PLCL1: variants seen among roughly 807,000 people sequenced by gnomAD.
PLCL1 encodes the protein phospholipase C like 1 (inactive).
A neutral mutation model predicts 84.4 loss-of-function variants in PLCL1; 41 were observed. The observed-to-expected ratio is 0.49, with a 90% confidence interval of 0.38 to 0.63. PLCL1 has a LOEUF of 0.63. PLCL1 is among the 30% of genes least tolerant of loss of function. The pLI is 0.00. For synonymous variants in PLCL1, 490 were observed against 488.3 expected (o/e 1.00, Z -0.05); for missense variants, 1,206 against 1,367.8 (o/e 0.88, Z 1.87).
rs1694580066 is a variant in PLCL1 at position 198,148,534 on chromosome 2, A to T, written c.*1572A>T. 6.6e-6 allele frequency: 1 copy of T among 152,348 alleles called. No homozygotes were observed. The highest frequency in any genetic ancestry group is 2.4e-5 in the African/African-American group (1 of 41,458). The allele number at this position is 152,348 out of a possible 1,614,324, so 9.4% of individuals were successfully genotyped here. A position where few individuals can be genotyped will look rare whatever the true frequency, so the allele number is the denominator to read the frequency against. ...ATGATGAAATTATTCCCTGGGTTTAAAACTGGGCACTCGAGGAGGAGGTAC... is the reference window on the plus strand; with the variant it reads ...ATGATGAAATTATTCCCTGGGTTTATAACTGGGCACTCGAGGAGGAGGTAC... On this transcript the variant is annotated 3_prime_UTR_variant, in exon 6 of 6. Coordinates refer to ENST00000428675, the MANE Select transcript of PLCL1 (RefSeq NM_006226.4).
At chr2:198,083,077 A>G (rs1013147256) in intron 1 of PLCL1, among the ~76,000 whole-genome samples, 1 of 152,210 alleles carries the variant, frequency 6.6e-6, no homozygotes, top group Non-Finnish European at 1.5e-5. Flanking sequence ...TAGTAGAGCC[A>G]TTCATATTTC....
intron 4 of PLCL1, 51 bp from the exon 5 acceptor site, chr2:198,103,776 C>G: frequency 5.0e-6 from 4 of 802,758 alleles, no homozygotes; most frequent in Non-Finnish European, 8.0e-6. Flanking sequence ...TATAAGATGC[C>G]CATTTTTCTG....
At chr2:197,833,769 C>T (rs1344125273) in intron 1 of PLCL1, among the ~76,000 whole-genome samples, 1 of 152,152 alleles carries the variant, frequency 6.6e-6, no homozygotes, top group African/African-American at 2.4e-5. Flanking sequence ...CAGTGCTATT[C>T]CTATCAAGTT....
intron 1 of PLCL1, among the ~76,000 whole-genome samples, chr2:197,903,468 ATTTTTTTTTT>A (rs3056105): frequency 2.7e-4 from 13 of 47,794 alleles, no homozygotes; most frequent in Middle Eastern, 0.028. Flanking sequence ...CTCCATTTAA[ATTTTTTTTTT>A]TTTTTTTTTT....
intron 1 of PLCL1, among the ~76,000 whole-genome samples, chr2:197,904,718 TA>T (rs534361630): frequency 1.1e-3 from 175 of 152,224 alleles, no homozygotes; most frequent in Non-Finnish European, 2.0e-3. Flanking sequence ...GATGGCAAGG[TA>T]TATTGGTCTG....
chr2:198,026,703 C>T (rs541177018), intron 1 of PLCL1, among the ~76,000 whole-genome samples: 1 of 152,188 alleles, frequency 6.6e-6, no homozygotes, highest in Admixed American at 6.5e-5. Flanking sequence ...CTGAATAGAC[C>T]TTTCTCAAAA....
chr2:198,005,207 C>T (rs751489516), intron 1 of PLCL1, among the ~76,000 whole-genome samples: 11 of 152,142 alleles, frequency 7.2e-5, no homozygotes, highest in African/African-American at 1.4e-4. Flanking sequence ...CAAGATTTTC[C>T]GAGTGCTAAG....
chr2:197,954,879 G>T (rs551903356), intron 1 of PLCL1, among the ~76,000 whole-genome samples: 2 of 152,106 alleles, frequency 1.3e-5, no homozygotes, highest in African/African-American at 4.8e-5. Context: ...GTGTATTACA[G>T]GAAATTGTCT....
At position 198,147,198 on chromosome 2, in the gene PLCL1, G is replaced by C. The variant is rs1444033387; in HGVS notation, c.*236G>C. 1.1e-5 allele frequency: 4 copies of C among 367,758 alleles called. No individual in the cohort carries two copies. In the East Asian group the frequency reaches 1.8e-4, roughly 16 times the overall value. The allele number at this position is 367,758 out of a possible 1,614,324, so 22.8% of individuals were successfully genotyped here. On this transcript the variant is annotated 3_prime_UTR_variant, in exon 6 of 6. Transcript: ENST00000428675. Reference sequence around the variant, plus strand: ...TCAACACCCCTGTGTGGATGCCTGTGGAAGAGTGTGTGTGTGTGTGTGTGT... The same window carrying C: ...TCAACACCCCTGTGTGGATGCCTGTCGAAGAGTGTGTGTGTGTGTGTGTGT...
chr2:198,051,253 A>G (rs1691922695), intron 1 of PLCL1, among the ~76,000 whole-genome samples: 1 of 152,236 alleles, frequency 6.6e-6, no homozygotes, highest in Admixed American at 6.5e-5. Flanking sequence ...CTTTAAAAAT[A>G]TAGAGGATTG....
chr2:198,063,452 A>C (rs535417329), intron 1 of PLCL1, among the ~76,000 whole-genome samples: 3 of 152,288 alleles, frequency 2.0e-5, no homozygotes, highest in Admixed American at 2.0e-4. Context: ...AAGTCAAGCT[A>C]ACTGTTTACT....
intron 1 of PLCL1, among the ~76,000 whole-genome samples, chr2:197,872,467 T>G (rs1403309984): frequency 1.3e-5 from 2 of 152,152 alleles, no homozygotes; most frequent in Non-Finnish European, 2.9e-5. Context: ...AACATATGAT[T>G]GGCATCCCTT....
chr2:197,884,422 G>A (rs1286029862), intron 1 of PLCL1, among the ~76,000 whole-genome samples: 4 of 152,132 alleles, frequency 2.6e-5, no homozygotes, highest in African/African-American at 4.8e-5. Context: ...TTTCTTATTG[G>A]CTAGAATTTA....
intron 1 of PLCL1, among the ~76,000 whole-genome samples, chr2:197,865,051 CAATT>C (rs1464058661): frequency 6.6e-6 from 1 of 152,042 alleles, no homozygotes; most frequent in Non-Finnish European, 1.5e-5. Flanking sequence ...CTTTAGTGCC[CAATT>C]AGAGTGTGAA....
At chr2:198,001,014 T>A (rs1340269534) in intron 1 of PLCL1, among the ~76,000 whole-genome samples, 3 of 152,106 alleles carry the variant, frequency 2.0e-5, no homozygotes, top group Non-Finnish European at 4.4e-5. Context: ...TGGAAAAAAA[T>A]GGGCTTCGAA....
At chr2:197,847,315 C>T (rs1019714656) in intron 1 of PLCL1, among the ~76,000 whole-genome samples, 24 of 152,086 alleles carry the variant, frequency 1.6e-4, no homozygotes, top group Admixed American at 3.3e-4. Context: ...TATGAAAGAA[C>T]ATATAATAAA....
chr2:198,131,741 TG>T (rs1358843437), intron 5 of PLCL1, among the ~76,000 whole-genome samples: 1 of 152,186 alleles, frequency 6.6e-6, no homozygotes, highest in Non-Finnish European at 1.5e-5. Flanking sequence ...AACTCTATTT[TG>T]CCTTGGTTAT....
At chr2:197,905,379 A>G (rs747690448) in intron 1 of PLCL1, among the ~76,000 whole-genome samples, 1 of 152,194 alleles carries the variant, frequency 6.6e-6, no homozygotes, top group Non-Finnish European at 1.5e-5. Context: ...AGTTTGCTGA[A>G]AATGATGGTT....
At chr2:197,832,069 G>A (rs570157833) in intron 1 of PLCL1, among the ~76,000 whole-genome samples, 105 of 152,152 alleles carry the variant, frequency 6.9e-4, no homozygotes, top group Middle Eastern at 3.4e-3. Flanking sequence ...ATCTAAAATC[G>A]ACACCCCAGC....
Sources: gnomAD v4.1 joint callset for allele counts (sites outside exome capture counted in the v4.1 genomes callset) on GRCh38, gnomAD v4.1.1 for gene constraint, MANE v1.5 for transcripts, NCBI Gene and HGNC (gene_info 2026-07-23, HGNC 2026-07-21) for gene names.